The following DPP7 variants were observed in gnomAD, a reference collection of about 807,000 sequenced individuals.
The protein encoded by DPP7 is dipeptidyl peptidase 2.
DPP7 carries 74 observed loss-of-function variants against 58.8 expected under a neutral mutation model. The ratio of observed to expected loss-of-function variants is 1.26; its 90% CI spans 1.04 to 1.53. The LOEUF (loss-of-function observed/expected upper bound fraction) is 1.53, where lower values mean the gene tolerates loss of function less well. Among genes scored for constraint, DPP7 ranks in the 40% most tolerant of loss-of-function variants. The pLI is 0.00. For missense variants in DPP7, 807 were observed against 692.3 expected (o/e 1.17, Z -1.86); for synonymous variants, 350 against 303.6 (o/e 1.15, Z -1.59).
upstream of DPP7, among the ~76,000 whole-genome samples, chr9:137,115,558 C>T (rs530436343): frequency 1.3e-5 from 2 of 152,144 alleles, no homozygotes; most frequent in Non-Finnish European, 2.9e-5. Context: ...AGGGGCTCAG[C>T]TACAGAGAGT....
At chr9:137,112,253 C>A in intron 8 of DPP7, 23 bp from the exon 9 acceptor site, 1 of 1,581,606 alleles carries the variant, frequency 6.3e-7, no homozygotes, top group Non-Finnish European at 8.5e-7. Flanking sequence ...GGCGCTGGGG[C>A]CCAGCGGCCA....
rs1264538721 is a variant in DPP7 at position 137,112,018 on chromosome 9, C to G, written c.1062G>C (p.Glu354Asp). ...TGTTGCTGGCGAAGGTCAGGTTGATCTCGGTGCAGGCCTGCAGGTGCCCCA... is the reference window on the plus strand; with the variant it reads ...TGTTGCTGGCGAAGGTCAGGTTGATGTCGGTGCAGGCCTGCAGGTGCCCCA... ...ARAWDYQACT[E>D]INLTFASNNV... The change falls in exon 10 of 13, where the codon GAG (glutamate) becomes GAC (aspartate). Residue 354 changes from glutamate to aspartate, a missense_variant. Around this residue, in one of 3 missense-constraint regions of DPP7, gnomAD observed 624 missense variants for 531.2 expected, o/e 1.17. Coordinates refer to ENST00000371579, the MANE Select transcript of DPP7 (RefSeq NM_013379.3). 7.4e-6 allele frequency: 12 copies of G among 1,613,654 alleles called. No individual in the cohort carries two copies. The highest frequency in any genetic ancestry group is 1.0e-5 in the Non-Finnish European group (12 of 1,179,838).
At position 137,113,316 on chromosome 9, in the gene DPP7, G is replaced by A. The variant is rs200956424; in HGVS notation, c.622-29C>T. 3.0e-5 allele frequency: 49 copies of A among 1,613,394 alleles called. No individual in the cohort carries two copies. In the East Asian group the frequency reaches 1.0e-3, roughly 34 times the overall value. ...GGGGAAAGAGACCGTGCTGACTGCA[G>A]CTGCTGTCCCTTAGGGGGCCTGGAG... On this transcript the variant is annotated intron_variant, in intron 5 of 12. Transcript: ENST00000371579.
intron 11 of DPP7, 61 bp from the exon 12 acceptor site, chr9:137,111,011 G>T: frequency 2.6e-6 from 4 of 1,543,180 alleles, no homozygotes; most frequent in Non-Finnish European, 3.5e-6. Flanking sequence ...AGCCTCCGTG[G>T]GCCCATTGGA....
At chr9:137,111,033 A>AGAG (rs1831338098) in intron 11 of DPP7, 83 bp from the exon 12 acceptor site, 1 of 1,379,562 alleles carries the variant, frequency 7.2e-7, no homozygotes, top group African/African-American at 1.4e-5. Context: ...AGGAGACGTG[A>AGAG]GAGGGCGAGC....
intron 6 of DPP7, 43 bp downstream of exon 6, chr9:137,113,163 G>A (rs1239196059): frequency 1.1e-5 from 18 of 1,613,680 alleles, no homozygotes; most frequent in East Asian, 6.7e-5. Flanking sequence ...CATAGCTGGC[G>A]CTGGGGCGGG....
rs1414482248 is a variant in DPP7 at position 137,114,548 on chromosome 9, C to T, written c.96G>A (p.Gln32=). The change falls in exon 2 of 13, where the codon CAG becomes CAA. Residue 32 remains glutamine, a synonymous_variant. Coordinates refer to ENST00000371579, the MANE Select transcript of DPP7 (RefSeq NM_013379.3). The part of the protein sequence containing the change: ...GARRAPDPGF[Q]ERFFQQRLDH... ...CCAGACGCTGCTGGAAGAAGCGCTC[C>T]TGGAAGCCGGGGTCCGGGGCCCTGC... 5.7e-6 allele frequency: 9 copies of T among 1,566,748 alleles called. No individual in the cohort carries two copies. In the African/African-American group the frequency reaches 7.0e-5, roughly 12 times the overall value.
chr9:137,114,687 G>T lies in DPP7; in HGVS notation c.27C>A (p.Val9=), dbSNP rs537776677. Reference sequence around the variant, plus strand: ...CGCGCAGCCCGAGCGCCAGCAGCAGGACCGGGGCCCAGGGAGCGGAGCCCA... The same window carrying T: ...CGCGCAGCCCGAGCGCCAGCAGCAGTACCGGGGCCCAGGGAGCGGAGCCCA... MGSAPWAP[V]LLLALGLRGL... The change falls in exon 1 of 13, where the codon GTC becomes GTA. Residue 9 remains valine (V), a synonymous_variant. Coordinates refer to ENST00000371579, the MANE Select transcript of DPP7 (RefSeq NM_013379.3). 6 of 1,340,414 alleles carry T rather than the reference G, an allele frequency of 4.5e-6. No individual in the cohort carries two copies. The East Asian group carries it at 1.6e-4, about 35-fold the overall frequency. 83.0% of individuals were successfully genotyped at this position (1,340,414 alleles called of 1,614,324 possible). A position where few individuals can be genotyped will look rare whatever the true frequency, so the allele number is the denominator to read the frequency against.
In DPP7 at chr9:137,112,942, C is replaced by T. The variant is rs764537384; in HGVS notation, c.870+11G>A. On this transcript the variant is annotated intron_variant, in intron 7 of 12. Coordinates refer to ENST00000371579, the MANE Select transcript of DPP7 (RefSeq NM_013379.3). ...CGGCCTCTCCCTGCGCCCTGGGAGG[C>T]GGCGCCTCACCTTGACGGGGTTGGC... The T allele has an allele frequency of 1.9e-5, 30 of 1,612,692 alleles. No homozygotes were observed. Among genetic ancestry groups the T allele is most frequent in the Middle Eastern group, 3.3e-4 (2 of 6,078 alleles).
upstream of DPP7, among the ~76,000 whole-genome samples, chr9:137,116,928 C>A (rs1239478674): frequency 6.6e-6 from 1 of 152,246 alleles, no homozygotes; most frequent in Non-Finnish European, 1.5e-5. Context: ...GGCCTACGTG[C>A]ACATCCGGGC....
At chr9:137,114,744 C>T, upstream of DPP7, 1 of 1,201,720 alleles carries the variant, frequency 8.3e-7, no homozygotes, top group Non-Finnish European at 1.0e-6. Context: ...GTCACGTGGG[C>T]GGGGTCACGG....
chr9:137,110,712 C>G lies in DPP7; in HGVS notation c.1415G>C (p.Trp472Ser), dbSNP rs1831313230. 1 of 1,608,284 alleles carries G rather than the reference C, an allele frequency of 6.2e-7. No homozygotes were observed. The highest frequency in any genetic ancestry group is 1.3e-5 in the African/African-American group (1 of 74,852). Residue 472 changes from tryptophan (W) to serine (S), a missense_variant, in exon 13 of 13, where the codon TGG becomes TCG. Transcript: ENST00000371579. ...CTGCTCACGCCTGGCTGCCTTTACC[C>G]ACTCGCCGATGATGGTGGCCTCCAG... ...RKLEATIIGE[W>S]VKAARREQQP...
In DPP7 at chr9:137,111,648, C is replaced by T. The variant is rs201668983; in HGVS notation, c.1272+42G>A. On this transcript the variant is annotated intron_variant, in intron 11 of 12. Transcript: ENST00000371579. ...GAAAGACCCTGTCTCAAAAAAAAAACAAACAAACTAACGGGGTCATAGGGC... is the reference window on the plus strand; with the variant it reads ...GAAAGACCCTGTCTCAAAAAAAAAATAAACAAACTAACGGGGTCATAGGGC... 1.4e-5 allele frequency: 21 copies of T among 1,550,524 alleles called. No homozygotes were observed. In the Admixed American group the frequency reaches 1.5e-4, roughly 11 times the overall value.
Position 137,114,487 on chromosome 9 carries a change from A to C in DPP7, c.157T>G (p.Phe53Val), listed in dbSNP as rs773709096. The C allele has an allele frequency of 2.5e-6, 4 of 1,579,866 alleles. No homozygotes were observed. Among genetic ancestry groups the C allele is most frequent in the South Asian group, 2.3e-5 (2 of 87,198 alleles). ...FNFERFGNKT[F>V]PQRFLVSDRF... ...CCCGACACCAGGAAGCGCTGAGGGA[A>C]GGTCTTGTTGCCGAAGCGCTCGAAG... The change falls in exon 2 of 13, where the codon TTC becomes GTC. Residue 53 changes from phenylalanine (F) to valine (V), a missense_variant. This residue lies in a region of DPP7 where 168 missense variants were observed against 124.1 expected (regional missense o/e 1.35). Transcript: ENST00000371579.
At chr9:137,112,852 C>G (rs1305113739) in intron 7 of DPP7, 47 bp from the exon 8 acceptor site, 4 of 1,601,546 alleles carry the variant, frequency 2.5e-6, no homozygotes, top group Non-Finnish European at 3.4e-6. Context: ...CCTCCACCAG[C>G]TCCGCCTCCC....
At chr9:137,112,264 C>A (rs776562847) in intron 8 of DPP7, 34 bp from the exon 9 acceptor site, 2 of 1,546,934 alleles carry the variant, frequency 1.3e-6, no homozygotes, top group African/African-American at 2.7e-5. Flanking sequence ...CCAGCGGCCA[C>A]ACACAGACAC....
At position 137,111,757 on chromosome 9, in the gene DPP7, G is replaced by A. The variant is rs111502395; in HGVS notation, c.1208-3C>T. 4 of 1,613,716 alleles carry A rather than the reference G, an allele frequency of 2.5e-6. No individual in the cohort carries two copies. Among genetic ancestry groups the A allele is most frequent in the Non-Finnish European group, 3.4e-6 (4 of 1,180,010 alleles). On this transcript the variant is annotated splice_region_variant and splice_polypyrimidine_tract_variant and intron_variant, in intron 10 of 12. Transcript: ENST00000371579. The stretch of plus-strand genomic sequence containing the variant: ...GATGTTGCTGGCGGCTCTGAGATCT[G>A]CAAGGGGCAGAGAAAGTTGTGATGT...
chr9:137,110,656 TGA>T lies in DPP7; in HGVS notation c.1469_1470del (p.Leu490GlnfsTer?), dbSNP rs1207541309. 9 of 1,609,450 alleles carry T rather than the reference TGA, an allele frequency of 5.6e-6. No individual in the cohort carries two copies. In the East Asian group the frequency reaches 2.0e-4, roughly 36 times the overall value. On this transcript the variant is annotated frameshift_variant, in exon 13 of 13. Coordinates refer to ENST00000371579, the MANE Select transcript of DPP7 (RefSeq NM_013379.3). LOFTEE classifies it high-confidence loss of function. Reference protein sequence around the residue: ...QQPALRGGPRLSL With the variant: ...QQPALRGGPRXSL Reference sequence around the variant, plus strand: ...CCCCTCCAGTCCTGTGCTCAGAGGCTGAGTCTGGGCCCCCCACGCAGAGCTGG... The same window carrying T: ...CCCCTCCAGTCCTGTGCTCAGAGGCTGTCTGGGCCCCCCACGCAGAGCTGG...
At chr9:137,112,852 C>A in intron 7 of DPP7, 47 bp from the exon 8 acceptor site, 1 of 1,601,546 alleles carries the variant, frequency 6.2e-7, no homozygotes. Context: ...CCTCCACCAG[C>A]TCCGCCTCCC....
Sources: allele counts gnomAD v4.1 joint callset (sites outside exome capture counted in the v4.1 genomes callset), GRCh38; gene constraint gnomAD v4.1.1; regional missense constraint gnomAD v4.1.1; transcripts MANE v1.5; gene names NCBI Gene and HGNC (gene_info 2026-07-23, HGNC 2026-07-21).